PTPRG: variants seen among roughly 807,000 people sequenced by gnomAD.
The protein encoded by PTPRG is receptor-type tyrosine-protein phosphatase gamma.
Under a neutral mutation model 165.3 loss-of-function variants are expected in PTPRG, and 102 were observed. The observed-to-expected ratio is 0.62, with a 90% CI of 0.53 to 0.73. The LOEUF is 0.73. Among genes scored for constraint, PTPRG ranks in the 30% least tolerant of loss-of-function variants. The pLI, the probability that PTPRG is intolerant of heterozygous loss-of-function variation, is 0.00. For synonymous variants in PTPRG, 675 were observed against 669.5 expected (o/e 1.01, Z -0.13); for missense variants, 1,866 against 1,861.4 (o/e 1.00, Z -0.05).
At chr3:62,289,083 C>T (rs573148403) in intron 28 of PTPRG, among the ~76,000 whole-genome samples, 1 of 152,254 alleles carries the variant, frequency 6.6e-6, no homozygotes, top group South Asian at 2.1e-4. Context: ...TGTTCTGAGC[C>T]ATTTACAAGT....
chr3:61,806,474 T>G (rs773373709), intron 2 of PTPRG, among the ~76,000 whole-genome samples: 7 of 152,190 alleles, frequency 4.6e-5, no homozygotes, highest in Non-Finnish European at 1.0e-4. Flanking sequence ...TGTGGCTCAT[T>G]TTAGATACAG....
At chr3:61,629,449 C>A (rs1037794394) in intron 1 of PTPRG, among the ~76,000 whole-genome samples, 1 of 152,158 alleles carries the variant, frequency 6.6e-6, no homozygotes, top group African/African-American at 2.4e-5. Context: ...CCACTGTACC[C>A]GGCCCCTGAG....
chr3:61,718,095 T>A (rs1360853391), intron 1 of PTPRG, among the ~76,000 whole-genome samples: 1 of 150,646 alleles, frequency 6.6e-6, no homozygotes, highest in Non-Finnish European at 1.5e-5. Flanking sequence ...GGCAGGAGAG[T>A]TGCTTGACTG....
At chr3:61,643,508 G>A (rs761722052) in intron 1 of PTPRG, among the ~76,000 whole-genome samples, 2 of 152,146 alleles carry the variant, frequency 1.3e-5, no homozygotes, top group Non-Finnish European at 2.9e-5. Context: ...GGCTGGGCGC[G>A]GTGGCTCATG....
chr3:61,987,441 T>C (rs1012533549), intron 2 of PTPRG, among the ~76,000 whole-genome samples: 4 of 152,230 alleles, frequency 2.6e-5, no homozygotes, highest in African/African-American at 9.6e-5. Flanking sequence ...AGTACTTTTC[T>C]GACATCGCAG....
intron 2 of PTPRG, among the ~76,000 whole-genome samples, chr3:61,767,625 C>T (rs1347515053): frequency 7.2e-5 from 11 of 152,046 alleles, no homozygotes; most frequent in Admixed American, 7.2e-4. Flanking sequence ...TTCAGTGTTC[C>T]AAGACACTTT....
intron 2 of PTPRG, among the ~76,000 whole-genome samples, chr3:61,782,787 GTGTTTTGTTT>G (rs527472740): frequency 2.0e-5 from 3 of 152,132 alleles, no homozygotes; most frequent in South Asian, 2.1e-4. Context: ...GATGAGTATC[GTGTTTTGTTT>G]TGTTTTGTTT....
rs566955020 is a variant in PTPRG, at chr3:61,684,879, A to T, written c.86-63999A>T. Among the ~76,000 whole-genome samples, 13 of 152,280 alleles carry T rather than the reference A, an allele frequency of 8.5e-5. No individual in the cohort carries two copies. In the South Asian group the frequency reaches 2.7e-3, roughly 32 times the overall value. Reference sequence around the variant, plus strand: ...AATGAACCAATATGGGGTGGTGAAGATGATCGTGATATCTGTCACCAGAGA... The same window carrying T: ...AATGAACCAATATGGGGTGGTGAAGTTGATCGTGATATCTGTCACCAGAGA... On this transcript the variant is annotated intron_variant, in intron 1 of 29. Transcript: ENST00000474889.
At chr3:61,852,691 G>T (rs764676930) in intron 2 of PTPRG, among the ~76,000 whole-genome samples, 2 of 152,134 alleles carry the variant, frequency 1.3e-5, no homozygotes, top group Admixed American at 1.3e-4. Context: ...GTTACTTTGT[G>T]GTCTTTGTAT....
intron 29 of PTPRG, 98 bp from the exon 30 acceptor site, chr3:62,293,063 G>A: frequency 1.9e-6 from 2 of 1,032,912 alleles, no homozygotes; most frequent in Admixed American, 2.7e-5. Flanking sequence ...TGTTTCTCTA[G>A]TGTGTTTTTC....
chr3:62,052,535 A>C (rs1165062335), intron 4 of PTPRG, among the ~76,000 whole-genome samples: 1 of 152,152 alleles, frequency 6.6e-6, no homozygotes, highest in African/African-American at 2.4e-5. Flanking sequence ...CTCTACAAAA[A>C]AATTTAAAAT....
chr3:61,639,837 T>C (rs755645330), intron 1 of PTPRG, among the ~76,000 whole-genome samples: 15 of 92,752 alleles, frequency 1.6e-4, no homozygotes, highest in Non-Finnish European at 3.1e-4. Context: ...TATACAGTCA[T>C]ATCAGTGAAG....
intron 1 of PTPRG, among the ~76,000 whole-genome samples, chr3:61,632,489 A>C (rs1413704779): frequency 6.6e-6 from 1 of 152,220 alleles, no homozygotes; most frequent in Non-Finnish European, 1.5e-5. Flanking sequence ...GGAAGGCCTC[A>C]GTGAGGAGGA....
chr3:61,825,640 C>T (rs1477981818), intron 2 of PTPRG, among the ~76,000 whole-genome samples: 4 of 143,540 alleles, frequency 2.8e-5, no homozygotes, highest in South Asian at 2.3e-4. Flanking sequence ...TGGCTTATTC[C>T]GTTTTCTTAG....
intron 4 of PTPRG, among the ~76,000 whole-genome samples, chr3:62,036,596 T>C (rs537234384): frequency 3.3e-5 from 5 of 152,232 alleles, no homozygotes; most frequent in Admixed American, 6.5e-5. Flanking sequence ...TCACATTTAT[T>C]GGTGTTTAGT....
At chr3:61,908,207 C>T (rs75698863) in intron 2 of PTPRG, among the ~76,000 whole-genome samples, 1 of 148,414 alleles carries the variant, frequency 6.7e-6, no homozygotes, top group South Asian at 2.1e-4. Context: ...AGGTGGATCA[C>T]TTGAGGTCAG....
intron 5 of PTPRG, among the ~76,000 whole-genome samples, chr3:62,112,015 A>G (rs1702684743): frequency 6.6e-6 from 1 of 152,192 alleles, no homozygotes; most frequent in Admixed American, 6.5e-5. Context: ...TGTGAGTTAT[A>G]GGAATTATGA....
Position 61,600,378 on chromosome 3 carries a change from T to C in PTPRG, c.85+38006T>C, listed in dbSNP as rs189975031. On this transcript the variant is annotated intron_variant, in intron 1 of 29. Coordinates refer to ENST00000474889, the MANE Select transcript of PTPRG (RefSeq NM_002841.4). ...CTCAGTGGGCAGCCAATGTTGACAT[T>C]ACACAAAACATGTACTGTATCATTA... 1.8e-3 allele frequency among the ~76,000 whole-genome samples: 273 copies of C among 152,200 alleles called. 2 individuals are homozygous for C. The highest frequency in any genetic ancestry group is 6.3e-3 in the African/African-American group (261 of 41,528).
chr3:61,745,611 G>A (rs2033166850), intron 1 of PTPRG, among the ~76,000 whole-genome samples: 1 of 152,150 alleles, frequency 6.6e-6, no homozygotes. Flanking sequence ...TGTCCCTTCT[G>A]TTACCTCTTG....
Sources: gnomAD v4.1 joint callset for allele counts (sites outside exome capture counted in the v4.1 genomes callset) on GRCh38, gnomAD v4.1.1 for gene constraint, MANE v1.5 for transcripts, NCBI Gene and HGNC (gene_info 2026-07-23, HGNC 2026-07-21) for gene names.